MYO7B: variants seen among roughly 807,000 people sequenced by gnomAD.
MYO7B encodes the protein unconventional myosin-VIIb.
MYO7B carries 212 observed loss-of-function variants against 259.7 expected under a neutral mutation model. The ratio of observed to expected loss-of-function variants is 0.82; its 90% confidence interval spans 0.73 to 0.91. The LOEUF is 0.91. Ranked by LOEUF, MYO7B falls within the 40% of genes least tolerant of loss-of-function variation. MYO7B has a pLI of 0.00. For missense variants in MYO7B, 2,732 were observed against 2,813.5 expected (o/e 0.97, Z 0.66); for synonymous variants, 1,197 against 1,166.4 (o/e 1.03, Z -0.54).
chr2:127,575,864 TC>T (rs1678845419), intron 7 of MYO7B, among the ~76,000 whole-genome samples: 1 of 152,140 alleles, frequency 6.6e-6, no homozygotes, highest in Non-Finnish European at 1.5e-5. Context: ...CAAGTAATCT[TC>T]CCGCCTCAGC....
rs1417686395 is a variant in MYO7B at position 127,588,497 on chromosome 2, AGACCAAGCTGGGCCATGG to A, written c.1802_1819del (p.Lys601_Thr606del). 2 of 1,613,236 alleles carry A rather than the reference AGACCAAGCTGGGCCATGG, an allele frequency of 1.2e-6. No individual in the cohort carries two copies. The highest frequency in any genetic ancestry group is 2.7e-5 in the African/African-American group (2 of 74,946). The stretch of plus-strand genomic sequence containing the variant: ...GAGATATTCAACTTGGAGTTAGCAG[AGACCAAGCTGGGCCATGG>A]GACCATCCGCCAGGCAAAGGCAGGA... On this transcript the variant is annotated inframe_deletion, in exon 15 of 48. Coordinates refer to ENST00000409816, the MANE Select transcript of MYO7B (RefSeq NM_001393586.1).
Position 127,625,393 on chromosome 2 carries a change from C to T in MYO7B, c.4073C>T (p.Ala1358Val), listed in dbSNP as rs749245719. 8.1e-6 allele frequency: 13 copies of T among 1,598,364 alleles called. No individual in the cohort carries two copies. In the East Asian group the frequency reaches 2.9e-4, roughly 36 times the overall value. Residue 1358 changes from alanine to valine, a missense_variant, in exon 31 of 48, where the codon GCC becomes GTC. Coordinates refer to ENST00000409816, the MANE Select transcript of MYO7B (RefSeq NM_001393586.1). ...EKEEELVELL[A>V]RHCYVQLGAS... ...GAGGAAGAGCTGGTTGAGCTGCTGG[C>T]CCGGCACTGCTACGTGCAGCTCGGC...
intron 1 of MYO7B, among the ~76,000 whole-genome samples, chr2:127,548,922 T>C (rs551204944): frequency 3.5e-4 from 54 of 152,370 alleles, no homozygotes; most frequent in Non-Finnish European, 2.9e-5. Context: ...TATTGATTTC[T>C]AGTTTAATTC....
intron 1 of MYO7B, among the ~76,000 whole-genome samples, chr2:127,540,160 T>C (rs1243768937): frequency 7.2e-6 from 1 of 138,048 alleles, no homozygotes; most frequent in Admixed American, 8.7e-5. Context: ...ATTGTCTTTT[T>C]CTGGTTTTAT....
Position 127,632,306 on chromosome 2 carries a change from C to T in MYO7B, c.5310C>T (p.Ser1770=), listed in dbSNP as rs1345806722. Residue 1770 remains serine (S), a synonymous_variant, in exon 39 of 48, where the codon AGC becomes AGT. Coordinates refer to ENST00000409816, the MANE Select transcript of MYO7B (RefSeq NM_001393586.1). ...TGTGCACGGGCCTCTTCCCGCCCAGCAAGGGGCTGCTGCCCCATGCCCAGA... is the reference window on the plus strand; with the variant it reads ...TGTGCACGGGCCTCTTCCCGCCCAGTAAGGGGCTGCTGCCCCATGCCCAGA... The part of the protein sequence containing the change: ...LWLCTGLFPP[S]KGLLPHAQKF... 2.5e-6 allele frequency: 4 copies of T among 1,610,958 alleles called. No homozygotes were observed. The highest frequency in any genetic ancestry group is 2.2e-5 in the East Asian group (1 of 44,858).
rs146679196 is a variant in MYO7B at position 127,585,700 on chromosome 2, T to A, written c.1690+787T>A. Among the ~76,000 whole-genome samples, 386 of 152,356 alleles carry A rather than the reference T, an allele frequency of 2.5e-3. 3 individuals carry two copies. Among genetic ancestry groups the A allele is most frequent in the African/African-American group, 8.8e-3 (364 of 41,578 alleles). ...TATGATTTTACATTCCCACTAGCAA[T>A]GTATGAGGACTCCAGTTCCTCCACA... On this transcript the variant is annotated intron_variant, in intron 14 of 47. Coordinates refer to ENST00000409816, the MANE Select transcript of MYO7B (RefSeq NM_001393586.1). This position sits in a 1 kb window ranked among gnomAD's most constrained non-coding sequence, Gnocchi z 4.3.
intron 20 of MYO7B, among the ~76,000 whole-genome samples, chr2:127,606,637 T>C (rs1209934119): frequency 6.6e-6 from 1 of 151,912 alleles, no homozygotes; most frequent in Non-Finnish European, 1.5e-5. Flanking sequence ...AGAGTTGGGG[T>C]TTAGATGAGG....
At position 127,609,743 on chromosome 2, in the gene MYO7B, ATCAGGCCAGC is replaced by A; in HGVS notation, c.3024+29_3024+38del. On this transcript the variant is annotated intron_variant, in intron 23 of 47. Coordinates refer to ENST00000409816, the MANE Select transcript of MYO7B (RefSeq NM_001393586.1). This position sits in a 1 kb window ranked among gnomAD's most constrained non-coding sequence, Gnocchi z 6.9. ...ACCAGGGTTCACTGGCTTCTAGTGG[ATCAGGCCAGC>A]CCCGAGCCTGGGGTGTGAGCTATGG... The A allele has an allele frequency of 6.2e-7, 1 of 1,613,692 alleles. No individual in the cohort carries two copies. Among genetic ancestry groups the A allele is most frequent in the Non-Finnish European group, 8.5e-7 (1 of 1,179,694 alleles).
Position 127,590,136 on chromosome 2 carries a change from C to T in MYO7B, c.1899C>T (p.Phe633=), listed in dbSNP as rs1679504377. The T allele has an allele frequency of 6.2e-7, 1 of 1,607,948 alleles. No homozygotes were observed. Among genetic ancestry groups the T allele is most frequent in the South Asian group, 1.1e-5 (1 of 89,554 alleles). Residue 633 remains phenylalanine, a synonymous_variant, in exon 16 of 48, where the codon TTC becomes TTT. Transcript: ENST00000409816. This position sits in a 1 kb window ranked among gnomAD's most constrained non-coding sequence, Gnocchi z 4.6. ...GGCCCTCCACCTTAGGAAGCCAGTT[C>T]AAACAGTCTCTGGACCAGCTGATGA... ...NKRPSTLGSQ[F]KQSLDQLMKI... is the part of the protein sequence containing the mutation.
At chr2:127,536,783 C>T (rs1169568668) in intron 1 of MYO7B, among the ~76,000 whole-genome samples, 3 of 152,192 alleles carry the variant, frequency 2.0e-5, no homozygotes, top group African/African-American at 4.8e-5. Flanking sequence ...GATTCACACA[C>T]ACCCTCAGTG....
chr2:127,558,741 G>A lies in MYO7B; in HGVS notation c.-23-959G>A, dbSNP rs147942793. Reference sequence around the variant, plus strand: ...AAGGAATGAATTAATGGCTTTCACAGCAACCTGGATGGGATTGTAGACTCT... The same window carrying A: ...AAGGAATGAATTAATGGCTTTCACAACAACCTGGATGGGATTGTAGACTCT... On this transcript the variant is annotated intron_variant, in intron 1 of 47. Coordinates refer to ENST00000409816, the MANE Select transcript of MYO7B (RefSeq NM_001393586.1). Among the ~76,000 whole-genome samples, 531 of 152,294 alleles carry A rather than the reference G, an allele frequency of 3.5e-3. 4 individuals are homozygous for A. The highest frequency in any genetic ancestry group is 0.012 in the African/African-American group (504 of 41,552).
At chr2:127,572,528 T>A (rs1160585799) in intron 6 of MYO7B, among the ~76,000 whole-genome samples, 1 of 150,900 alleles carries the variant, frequency 6.6e-6, no homozygotes, top group Non-Finnish European at 1.5e-5. Context: ...CTTCCTTCCT[T>A]TCTTTTTCTC....
intron 31 of MYO7B, 178 bp from the exon 32 acceptor site, chr2:127,626,797 A>G: frequency 1.7e-6 from 1 of 593,506 alleles, no homozygotes; most frequent in Non-Finnish European, 3.0e-6. Flanking sequence ...AAAAAAAAGG[A>G]TAGGGCTGCA....
At position 127,539,255 on chromosome 2, in the gene MYO7B, A is replaced by AGG. The variant is rs1692912446; in HGVS notation, c.-24+3424_-24+3425insGG. On this transcript the variant is annotated intron_variant, in intron 1 of 47. Coordinates refer to ENST00000409816, the MANE Select transcript of MYO7B (RefSeq NM_001393586.1). The surrounding 1 kb of genome is among the most constrained non-coding windows in gnomAD (Gnocchi z 4.0). ...AATAAAATAAGCTGGGACGTAGGAT[A>AGG]AATGAAGGTAGGAAAATACACTGCA... Among the ~76,000 whole-genome samples the AGG allele has an allele frequency of 1.3e-5, 2 of 152,346 alleles. No individual in the cohort carries two copies. The highest frequency in any genetic ancestry group is 3.9e-4 in the East Asian group (2 of 5,192).
At chr2:127,582,256 C>G (rs74852479) in intron 11 of MYO7B, 48 bp from the exon 12 acceptor site, 1 of 1,601,690 alleles carries the variant, frequency 6.2e-7, no homozygotes, top group Non-Finnish European at 8.5e-7. Flanking sequence ...AGGTAACCTC[C>G]GCCTGAGCCT....
chr2:127,627,131 C>T lies in MYO7B; in HGVS notation c.4333+39C>T. The stretch of plus-strand genomic sequence containing the variant: ...ACAGGGGGCAGGGAGCAGGTATGGG[C>T]TGGGCACCCAGGGGTCCCATGCAGC... On this transcript the variant is annotated intron_variant, in intron 32 of 47. Transcript: ENST00000409816. This position sits in a 1 kb window ranked among gnomAD's most constrained non-coding sequence, Gnocchi z 5.6. 6.2e-7 allele frequency: 1 copy of T among 1,604,742 alleles called. No homozygotes were observed. Among genetic ancestry groups the T allele is most frequent in the Non-Finnish European group, 8.5e-7 (1 of 1,175,910 alleles).
rs13025959 is a variant in MYO7B at position 127,631,287 on chromosome 2, G to A, written c.5019G>A (p.Glu1673=). 1.2e-6 allele frequency: 2 copies of A among 1,611,862 alleles called. No homozygotes were observed. The highest frequency in any genetic ancestry group is 1.7e-5 in the Admixed American group (1 of 59,940). ...ARGHLWAYSC[E]PLRQPLLKRV... is the part of the protein sequence containing the mutation. ...GCCACCTGTGGGCCTATTCCTGCGA[G>A]CCGCTGCGACAGCCGCTGCTCAAGC... The change falls in exon 37 of 48, where the codon GAG becomes GAA. Residue 1673 remains glutamate (E), a synonymous_variant. Transcript: ENST00000409816.
intron 5 of MYO7B, among the ~76,000 whole-genome samples, chr2:127,569,207 C>CA (rs35076829): frequency 0.47 from 36,291 of 77,026 alleles, 8,774 homozygotes; most frequent in South Asian, 0.68. Context: ...GACTCCGTCT[C>CA]AAAAAAAAAA....
intron 36 of MYO7B, 35 bp downstream of exon 36, chr2:127,630,943 C>T: frequency 6.6e-7 from 1 of 1,524,306 alleles, no homozygotes; most frequent in East Asian, 2.5e-5. Flanking sequence ...CATTGCACCC[C>T]CACCTCCCAG....
Sources: gnomAD v4.1 joint callset for allele counts (sites outside exome capture counted in the v4.1 genomes callset) on GRCh38, gnomAD v4.1.1 for gene constraint, Gnocchi (gnomAD v3.1) non-coding constraint, MANE v1.5 for transcripts, NCBI Gene and HGNC (gene_info 2026-07-23, HGNC 2026-07-21) for gene names.